CCNB2: variants seen among roughly 807,000 people sequenced by gnomAD.
CCNB2 encodes cyclin B2.
In CCNB2, 39 loss-of-function variants were observed where a neutral mutation model predicts 51.1. The observed-to-expected ratio is 0.76, with a 90% CI of 0.59 to 1.00. The LOEUF (loss-of-function observed/expected upper bound fraction) is 1.00. Ranked by LOEUF, CCNB2 falls within the 50% of genes least tolerant of loss-of-function variation. The pLI, the probability that CCNB2 is intolerant of heterozygous loss-of-function variation, is 0.00. For missense variants in CCNB2, 472 were observed against 470.3 expected (o/e 1.00, Z -0.03); for synonymous variants, 174 against 165.5 (o/e 1.05, Z -0.40).
chr15:59,108,160 A>C (rs2079243685), intron 3 of CCNB2, among the ~76,000 whole-genome samples: 1 of 152,200 alleles, frequency 6.6e-6, no homozygotes, highest in Non-Finnish European at 1.5e-5. Flanking sequence ...GTGGAGAACA[A>C]AGTAGCAACA....
At chr15:59,108,155 G>GAACA (rs1182068071) in intron 3 of CCNB2, among the ~76,000 whole-genome samples, 1 of 152,212 alleles carries the variant, frequency 6.6e-6, no homozygotes, top group Non-Finnish European at 1.5e-5. Flanking sequence ...CGTTTGTGGA[G>GAACA]AACAAAGTAG....
intron 3 of CCNB2, among the ~76,000 whole-genome samples, chr15:59,112,895 G>A (rs912077217): frequency 2.0e-5 from 3 of 151,780 alleles, no homozygotes; most frequent in Admixed American, 1.3e-4. Flanking sequence ...TTAGGCGAGT[G>A]TGGTGGAAGG....
At chr15:59,110,113 C>G (rs1391464417) in intron 3 of CCNB2, among the ~76,000 whole-genome samples, 1 of 151,226 alleles carries the variant, frequency 6.6e-6, no homozygotes, top group Non-Finnish European at 1.5e-5. Flanking sequence ...AAAGCAAAGA[C>G]CATAAATATG....
intron 8 of CCNB2, chr15:59,124,153 T>G (rs1338134900): frequency 1.2e-5 from 2 of 163,736 alleles, no homozygotes; most frequent in African/African-American, 4.8e-5. Context: ...GGTGTCTATC[T>G]CTGCATGGCC....
In CCNB2 at chr15:59,114,625, C is replaced by T. The variant is rs1425641924; in HGVS notation, c.438+11C>T. On this transcript the variant is annotated intron_variant, in intron 4 of 8. Transcript: ENST00000288207. The stretch of plus-strand genomic sequence containing the variant: ...CTCAGGCAGCTGGAGGTAGGTGGGC[C>T]TTTGTGTTTTGGTTGTATAAGCAAT... The T allele has an allele frequency of 1.9e-6, 3 of 1,586,580 alleles. No individual in the cohort carries two copies. Among genetic ancestry groups the T allele is most frequent in the South Asian group, 1.1e-5 (1 of 88,346 alleles).
chr15:59,109,226 A>G (rs1253349641), intron 3 of CCNB2, among the ~76,000 whole-genome samples: 1 of 151,934 alleles, frequency 6.6e-6, no homozygotes, highest in Non-Finnish European at 1.5e-5. Flanking sequence ...GATTTTCACT[A>G]TGTTGGCCTG....
intron 6 of CCNB2, 148 bp from the exon 7 acceptor site, chr15:59,117,080 T>A (rs1414370842): frequency 6.1e-6 from 6 of 985,970 alleles, no homozygotes; most frequent in Non-Finnish European, 9.2e-6. Context: ...GGCCTCATGA[T>A]CTATGTTTAC....
At chr15:59,117,004 G>C (rs1184475148) in intron 6 of CCNB2, 78 bp downstream of exon 6, 6 of 1,249,966 alleles carry the variant, frequency 4.8e-6, no homozygotes, top group Non-Finnish European at 3.4e-6. Flanking sequence ...TTTAAGGAAA[G>C]CTTATTTATA....
At chr15:59,109,768 C>T (rs1182552973) in intron 3 of CCNB2, among the ~76,000 whole-genome samples, 7 of 152,166 alleles carry the variant, frequency 4.6e-5, no homozygotes, top group Non-Finnish European at 5.9e-5. Context: ...GGGCGGATCG[C>T]GAGGTCAGGA....
chr15:59,107,070 T>G (rs1030420919), intron 1 of CCNB2, among the ~76,000 whole-genome samples: 4 of 152,206 alleles, frequency 2.6e-5, no homozygotes, highest in Non-Finnish European at 4.4e-5. Context: ...ACTTGAATAC[T>G]CAGAATAGCT....
intron 7 of CCNB2, among the ~76,000 whole-genome samples, chr15:59,121,884 A>G (rs2140291161): frequency 7.0e-6 from 1 of 141,984 alleles, no homozygotes; most frequent in African/African-American, 2.6e-5. Context: ...GTGAGCAGAC[A>G]TTGCACCACT....
intron 1 of CCNB2, among the ~76,000 whole-genome samples, chr15:59,107,008 A>G (rs1298595210): frequency 6.6e-6 from 1 of 152,224 alleles, no homozygotes; most frequent in Non-Finnish European, 1.5e-5. Flanking sequence ...TGGGTACTAT[A>G]TGAGAAATAA....
In CCNB2 at chr15:59,114,491, C is replaced by T; in HGVS notation, c.315C>T (p.Leu105=). 6.2e-7 allele frequency: 1 copy of T among 1,613,274 alleles called. No individual in the cohort carries two copies. Among genetic ancestry groups the T allele is most frequent in the Non-Finnish European group, 8.5e-7 (1 of 1,179,702 alleles). The change falls in exon 4 of 9, where the codon CTC becomes CTT. Residue 105 remains leucine, a synonymous_variant. Coordinates refer to ENST00000288207, the MANE Select transcript of CCNB2 (RefSeq NM_004701.4). The part of the protein sequence containing the change: ...PEDVSMKEEN[L]CQAFSDALLC... The stretch of plus-strand genomic sequence containing the variant: ...ATGTCTCCATGAAGGAAGAGAATCT[C>T]TGCCAAGCTTTTTCTGATGCCTTGC...
intron 3 of CCNB2, among the ~76,000 whole-genome samples, chr15:59,108,712 G>A (rs1419137766): frequency 6.6e-6 from 1 of 152,188 alleles, no homozygotes; most frequent in Non-Finnish European, 1.5e-5. Context: ...TTTGGCTTCC[G>A]ATTTGTTGAG....
intron 3 of CCNB2, among the ~76,000 whole-genome samples, chr15:59,113,666 A>G (rs1202127077): frequency 6.6e-6 from 1 of 152,186 alleles, no homozygotes; most frequent in African/African-American, 2.4e-5. Context: ...TTATGAGATG[A>G]GACATATGGG....
chr15:59,122,345 T>A (rs1277938785), intron 7 of CCNB2, among the ~76,000 whole-genome samples: 1 of 139,134 alleles, frequency 7.2e-6, no homozygotes, highest in African/African-American at 2.7e-5. Flanking sequence ...GCCTCCCGGG[T>A]TCCAGCGATT....
chr15:59,118,573 A>T (rs2079288626), intron 7 of CCNB2, among the ~76,000 whole-genome samples: 1 of 152,186 alleles, frequency 6.6e-6, no homozygotes, highest in South Asian at 2.1e-4. Context: ...AATCCAGGCT[A>T]CTCTGGAGGC....
intron 3 of CCNB2, among the ~76,000 whole-genome samples, chr15:59,108,998 A>C (rs1002175248): frequency 1.2e-4 from 18 of 152,128 alleles, no homozygotes; most frequent in Non-Finnish European, 1.3e-4. Flanking sequence ...TTACATGTGT[A>C]ATGGTTTGAA....
At chr15:59,120,775 C>A (rs1198805439) in intron 7 of CCNB2, among the ~76,000 whole-genome samples, 2 of 152,280 alleles carry the variant, frequency 1.3e-5, no homozygotes, top group East Asian at 3.9e-4. Flanking sequence ...CACGTGGTCT[C>A]AATTTATCAT....
Sources: allele counts gnomAD v4.1 joint callset (sites outside exome capture counted in the v4.1 genomes callset), GRCh38; gene constraint gnomAD v4.1.1; transcripts MANE v1.5; gene names NCBI Gene and HGNC (gene_info 2026-07-23, HGNC 2026-07-21).